MIX23: variants seen among roughly 807,000 people sequenced by gnomAD.
MIX23 encodes the protein protein MIX23.
MIX23 carries 13 observed loss-of-function variants against 21.6 expected under a neutral mutation model. That is an observed-to-expected ratio of 0.60 (90% CI 0.39 to 0.96). MIX23 has a LOEUF of 0.96. Ranked by LOEUF, MIX23 falls within the 40% of genes least tolerant of loss-of-function variation. The probability of loss-of-function intolerance (pLI) is 0.00; values close to 1 mark genes in which losing one functional copy is unlikely to be tolerated. For synonymous variants in MIX23, 59 were observed against 58.0 expected (o/e 1.02, Z -0.08); for missense variants, 144 against 171.2 (o/e 0.84, Z 0.89).
intron 1 of MIX23, among the ~76,000 whole-genome samples, chr3:122,372,013 C>T (rs918599802): frequency 4.6e-5 from 7 of 152,032 alleles, no homozygotes; most frequent in Non-Finnish European, 8.8e-5. Context: ...CCAACTCTGC[C>T]TCCTTGGCTC....
At chr3:122,381,463 C>G (rs973722985) in intron 1 of MIX23, among the ~76,000 whole-genome samples, 5 of 152,192 alleles carry the variant, frequency 3.3e-5, no homozygotes, top group Non-Finnish European at 7.3e-5. Context: ...CCATGGCTCA[C>G]GCCTGTAATC....
rs542940696 is a variant in MIX23, at chr3:122,382,335, C to T, written c.51+839G>A. Among the ~76,000 whole-genome samples, 24 of 152,284 alleles carry T rather than the reference C, an allele frequency of 1.6e-4. No individual in the cohort carries two copies. In the South Asian group the frequency reaches 5.0e-3, roughly 32 times the overall value. The stretch of plus-strand genomic sequence containing the variant: ...AAAAAATTACCCGGGCGTGGTGACA[C>T]GTGCCTGTAGTCCTAGCTACAGGGA... On this transcript the variant is annotated intron_variant, in intron 1 of 4. Transcript: ENST00000291458.
intron 3 of MIX23, chr3:122,365,739 T>G (rs1001202933): frequency 2.6e-5 from 4 of 152,240 alleles, no homozygotes; most frequent in Non-Finnish European, 5.9e-5. Context: ...TGAGTCACTC[T>G]GTTGTTTGAC....
At chr3:122,361,042 A>C (rs974830325) in intron 4 of MIX23, among the ~76,000 whole-genome samples, 1 of 151,950 alleles carries the variant, frequency 6.6e-6, no homozygotes, top group African/African-American at 2.4e-5. Flanking sequence ...ACGGGGTTTC[A>C]CCCTGTTGGT....
chr3:122,378,945 T>C (rs1347046740), intron 1 of MIX23, among the ~76,000 whole-genome samples: 2 of 152,236 alleles, frequency 1.3e-5, no homozygotes, highest in South Asian at 2.1e-4. Flanking sequence ...CTAGTGGCTA[T>C]CATATGGAGA....
intron 1 of MIX23, among the ~76,000 whole-genome samples, chr3:122,376,568 A>C (rs926290481): frequency 6.6e-6 from 1 of 152,082 alleles, no homozygotes; most frequent in African/African-American, 2.4e-5. Flanking sequence ...GCAGTGAACC[A>C]AGATTGCACC....
At chr3:122,373,920 T>G (rs1282994440) in intron 1 of MIX23, among the ~76,000 whole-genome samples, 22 of 152,140 alleles carry the variant, frequency 1.4e-4, no homozygotes, top group Admixed American at 1.4e-3. Flanking sequence ...ACTGGAATTC[T>G]TAAGGAATAA....
intron 1 of MIX23, among the ~76,000 whole-genome samples, chr3:122,379,886 C>G (rs772343017): frequency 3.9e-5 from 6 of 152,196 alleles, no homozygotes. Context: ...TCATTGTAGG[C>G]TGACTCTGAA....
intron 3 of MIX23, chr3:122,367,929 A>C (rs530547625): frequency 2.1e-6 from 1 of 471,380 alleles, no homozygotes; most frequent in Non-Finnish European, 3.8e-6. Flanking sequence ...AAATGAAAAT[A>C]AATTATGACT....
chr3:122,381,451 C>T (rs998167731), intron 1 of MIX23, among the ~76,000 whole-genome samples: 1 of 152,178 alleles, frequency 6.6e-6, no homozygotes, highest in Non-Finnish European at 1.5e-5. Flanking sequence ...ATAGGCTGGG[C>T]GCCATGGCTC....
At chr3:122,363,983 C>T (rs1322455902) in intron 3 of MIX23, among the ~76,000 whole-genome samples, 1 of 152,124 alleles carries the variant, frequency 6.6e-6, no homozygotes, top group Non-Finnish European at 1.5e-5. Context: ...AAGAGGTTAA[C>T]ACCAGGACGA....
chr3:122,380,191 T>C (rs903247487), intron 1 of MIX23, among the ~76,000 whole-genome samples: 4 of 152,166 alleles, frequency 2.6e-5, no homozygotes, highest in African/African-American at 7.2e-5. Flanking sequence ...AAGAATGATA[T>C]GGAACTCCCT....
intron 3 of MIX23, 143 bp from the exon 4 acceptor site, chr3:122,363,170 CAG>C (rs779815358): frequency 3.2e-4 from 207 of 640,530 alleles, no homozygotes; most frequent in Admixed American, 1.4e-3. Context: ...CTGTTAATGG[CAG>C]AGTTTGGAAG....
chr3:122,363,145 C>A, intron 3 of MIX23, 118 bp from the exon 4 acceptor site: 1 of 756,472 alleles, frequency 1.3e-6, no homozygotes. Context: ...CCTGCTACTG[C>A]TCTAGTATTT....
intron 1 of MIX23, among the ~76,000 whole-genome samples, chr3:122,382,658 C>T (rs1191732481): frequency 2.6e-5 from 4 of 152,218 alleles, no homozygotes; most frequent in African/African-American, 9.7e-5. Context: ...CTAAATATTA[C>T]ATCTTCTCTA....
chr3:122,359,971 G>T, intron 4 of MIX23, 52 bp from the exon 5 acceptor site: 1 of 1,507,952 alleles, frequency 6.6e-7, no homozygotes, highest in Non-Finnish European at 9.0e-7. Context: ...GCGTAAATCA[G>T]GCCTGGAACT....
chr3:122,373,707 T>C (rs1438779932), intron 1 of MIX23, among the ~76,000 whole-genome samples: 2 of 152,246 alleles, frequency 1.3e-5, no homozygotes, highest in Non-Finnish European at 2.9e-5. Flanking sequence ...TCTAAGTCTG[T>C]AGTCTAGATT....
At position 122,359,674 on chromosome 3, in the gene MIX23, T is replaced by G; in HGVS notation, c.*195A>C. The stretch of plus-strand genomic sequence containing the variant: ...AGAATCAGTATAAAATAGCAGTTGA[T>G]TTCTCCATAATTATCAGAATTATTT... On this transcript the variant is annotated 3_prime_UTR_variant, in exon 5 of 5. Transcript: ENST00000291458. 1 of 409,884 alleles carries G rather than the reference T, an allele frequency of 2.4e-6. No individual in the cohort carries two copies. Among genetic ancestry groups the G allele is most frequent in the Admixed American group, 4.5e-5 (1 of 22,232 alleles). The allele number at this position is 409,884 out of a possible 1,614,324, so 25.4% of individuals were successfully genotyped here.
At chr3:122,363,418 A>G (rs1165659021) in intron 3 of MIX23, among the ~76,000 whole-genome samples, 2 of 151,882 alleles carry the variant, frequency 1.3e-5, no homozygotes, top group African/African-American at 4.9e-5. Flanking sequence ...ACCTAACATT[A>G]GTGAAGGTAC....
Sources: gnomAD v4.1 joint callset for allele counts (sites outside exome capture counted in the v4.1 genomes callset) on GRCh38, gnomAD v4.1.1 for gene constraint, MANE v1.5 for transcripts, NCBI Gene and HGNC (gene_info 2026-07-23, HGNC 2026-07-21) for gene names.